Variants in GHRH observed in about 807,000 individuals in gnomAD.
The protein encoded by GHRH is growth hormone releasing hormone.
Under a neutral mutation model 15.6 loss-of-function variants are expected in GHRH, and 7 were observed. That is an observed-to-expected ratio of 0.45 (90% CI 0.26 to 0.84). The LOEUF is 0.84. Among genes scored for constraint, GHRH ranks in the 40% least tolerant of loss-of-function variants. The pLI is 0.18. For missense variants in GHRH, 117 were observed against 138.0 expected, an observed-to-expected ratio of 0.85 and a Z score of 0.76; for synonymous variants, 54 against 50.4, an observed-to-expected ratio of 1.07 and a Z score of -0.30.
In GHRH at chr20:37,256,514, C is replaced by A; in HGVS notation, c.84-16G>T. The A allele has an allele frequency of 6.4e-7, 1 of 1,573,506 alleles. No individual in the cohort carries two copies. Among genetic ancestry groups the A allele is most frequent in the South Asian group, 1.1e-5 (1 of 89,422 alleles). On this transcript the variant is annotated splice_polypyrimidine_tract_variant and intron_variant, in intron 2 of 4. Coordinates refer to ENST00000373614, the MANE Select transcript of GHRH (RefSeq NM_021081.6). Reference sequence around the variant, plus strand: ...CCGCCGCATCCTGTGCGGAAGGAGTCAGGGGTCAGAGGGCGGGGTGGAGGC... The same window carrying A: ...CCGCCGCATCCTGTGCGGAAGGAGTAAGGGGTCAGAGGGCGGGGTGGAGGC...
intron 4 of GHRH, 51 bp downstream of exon 4, chr20:37,254,159 G>A (rs2068640539): frequency 6.2e-7 from 1 of 1,606,850 alleles, no homozygotes; most frequent in South Asian, 1.1e-5. Flanking sequence ...GCAAACCACG[G>A]GGTAGGAAGC....
At position 37,258,574 on chromosome 20, in the gene GHRH, G is replaced by A. The variant is rs1159934679; in HGVS notation, c.-19-1666C>T. Among the ~76,000 whole-genome samples, 1 of 152,174 alleles carries A rather than the reference G, an allele frequency of 6.6e-6. No individual in the cohort carries two copies. Among genetic ancestry groups the A allele is most frequent in the Non-Finnish European group, 1.5e-5 (1 of 68,030 alleles). ...AGACCCTGTACCTGCAGAGCTGGAGGGAGCAGCAGCCCAGGCCTCAGTGGT... is the reference window on the plus strand; with the variant it reads ...AGACCCTGTACCTGCAGAGCTGGAGAGAGCAGCAGCCCAGGCCTCAGTGGT... On this transcript the variant is annotated intron_variant, in intron 1 of 4. Transcript: ENST00000373614. This position sits in a 1 kb window ranked among gnomAD's most constrained non-coding sequence, Gnocchi z 4.1.
intron 1 of GHRH, among the ~76,000 whole-genome samples, chr20:37,260,410 A>C (rs979658065): frequency 2.5e-4 from 37 of 150,784 alleles, no homozygotes; most frequent in Admixed American, 1.3e-3. Context: ...AAAAAAAAAA[A>C]CACACAAAAC....
chr20:37,260,153 G>C (rs1173155649), intron 1 of GHRH, among the ~76,000 whole-genome samples: 1 of 152,096 alleles, frequency 6.6e-6, no homozygotes, highest in South Asian at 2.1e-4. Flanking sequence ...TCAAGATAAG[G>C]CTCAGCAACT....
At chr20:37,259,093 CT>C (rs1221992088) in intron 1 of GHRH, among the ~76,000 whole-genome samples, 1 of 152,132 alleles carries the variant, frequency 6.6e-6, no homozygotes, top group African/African-American at 2.4e-5. Flanking sequence ...CCCAAATCTC[CT>C]TCTCCTGCAA....
intron 4 of GHRH, among the ~76,000 whole-genome samples, chr20:37,253,318 C>T (rs138108068): frequency 6.6e-6 from 1 of 152,336 alleles, no homozygotes; most frequent in East Asian, 1.9e-4. Flanking sequence ...GCACACTCAT[C>T]TACCACAGGG....
chr20:37,256,197 T>C (rs74833886), intron 3 of GHRH, among the ~76,000 whole-genome samples, 197 bp downstream of exon 3: 4,261 of 152,296 alleles, frequency 0.028, 82 homozygotes, highest in Middle Eastern at 0.058. Flanking sequence ...TGTCGGAGCC[T>C]AGCCTGAAGA....
chr20:37,253,221 C>T (rs756063705), intron 4 of GHRH, among the ~76,000 whole-genome samples: 36 of 152,180 alleles, frequency 2.4e-4, no homozygotes, highest in Non-Finnish European at 4.8e-4. Flanking sequence ...ACTTTTCCTC[C>T]TCTGTAGACT....
At chr20:37,256,062 G>T (rs865856567) in intron 3 of GHRH, among the ~76,000 whole-genome samples, 1 of 152,164 alleles carries the variant, frequency 6.6e-6, no homozygotes, top group Admixed American at 6.6e-5. Context: ...AATAATAGTA[G>T]CTGACACTAC....
At chr20:37,251,839 A>G (rs564347999) in intron 4 of GHRH, among the ~76,000 whole-genome samples, 40 of 152,192 alleles carry the variant, frequency 2.6e-4, no homozygotes, top group Non-Finnish European at 4.8e-4. Flanking sequence ...CTAAAGCAGG[A>G]ACTTATTCCT....
rs1569012659 is a variant in GHRH, at chr20:37,256,863, C to G, written c.27G>C (p.Val9=). 3 of 1,612,678 alleles carry G rather than the reference C, an allele frequency of 1.9e-6. No individual in the cohort carries two copies. The highest frequency in any genetic ancestry group is 2.5e-6 in the Non-Finnish European group (3 of 1,179,580). The change falls in exon 2 of 5, where the codon GTG becomes GTC. Residue 9 remains valine (V), a synonymous_variant. Transcript: ENST00000373614. The stretch of plus-strand genomic sequence containing the variant: ...GGGAGCTGTTGCTGAGGGTGAGGAT[C>G]ACAAAGAAGAACACCCAGAGTGGCA... MPLWVFFF[V]ILTLSNSSHC...
At position 37,254,275 on chromosome 20, in the gene GHRH, G is replaced by T; in HGVS notation, c.243C>A (p.Ser81Arg). 6.2e-7 allele frequency: 1 copy of T among 1,613,970 alleles called. No individual in the cohort carries two copies. Among genetic ancestry groups the T allele is most frequent in the Non-Finnish European group, 8.5e-7 (1 of 1,179,856 alleles). The change falls in exon 4 of 5, where the codon AGC becomes AGA. Residue 81 changes from serine (S) to arginine (R), a missense_variant. Coordinates refer to ENST00000373614, the MANE Select transcript of GHRH (RefSeq NM_021081.6). ...ARARLGRQVD[S>R]MWAEQKQMEL... ...CCATTTGCTTTTGTTCTGCCCACAT[G>T]CTGTCTACCTGACGACCAAGCCGTG... is the stretch of plus-strand genomic sequence containing the variant.
Position 37,254,198 on chromosome 20 carries a change from A to C in GHRH, c.308+12T>G. On this transcript the variant is annotated intron_variant, in intron 4 of 4. Coordinates refer to ENST00000373614, the MANE Select transcript of GHRH (RefSeq NM_021081.6). Reference sequence around the variant, plus strand: ...GAAGTCCCTAGATGCACCCATGCACACACACCCATACCTGTGCTTCTGCAG... The same window carrying C: ...GAAGTCCCTAGATGCACCCATGCACCCACACCCATACCTGTGCTTCTGCAG... The C allele has an allele frequency of 1.2e-6, 2 of 1,614,104 alleles. No individual in the cohort carries two copies. The highest frequency in any genetic ancestry group is 1.7e-6 in the Non-Finnish European group (2 of 1,179,984).
At position 37,258,352 on chromosome 20, in the gene GHRH, A is replaced by C. The variant is rs2068668706; in HGVS notation, c.-19-1444T>G. Among the ~76,000 whole-genome samples the C allele has an allele frequency of 6.6e-6, 1 of 152,050 alleles. No homozygotes were observed. The highest frequency in any genetic ancestry group is 6.6e-5 in the Admixed American group (1 of 15,264). ...CCCCCGCCTTTCCCACAATCTCCTC[A>C]CATGGCTTCCTTCTCTCCCACTCCT... On this transcript the variant is annotated intron_variant, in intron 1 of 4. Coordinates refer to ENST00000373614, the MANE Select transcript of GHRH (RefSeq NM_021081.6). The surrounding 1 kb of genome is among the most constrained non-coding windows in gnomAD (Gnocchi z 4.1).
intron 4 of GHRH, among the ~76,000 whole-genome samples, chr20:37,251,987 G>C (rs1285187899): frequency 6.6e-6 from 1 of 152,144 alleles, no homozygotes; most frequent in Non-Finnish European, 1.5e-5. Context: ...CTTTTAACTC[G>C]CGGGAACAAA....
At chr20:37,256,353 G>T in intron 3 of GHRH, 41 bp downstream of exon 3, 1 of 1,301,924 alleles carries the variant, frequency 7.7e-7, no homozygotes, top group Non-Finnish European at 1.1e-6. Flanking sequence ...TGCAGACTCT[G>T]CTGCAGGGTG....
At chr20:37,259,848 C>T (rs1381780726) in intron 1 of GHRH, among the ~76,000 whole-genome samples, 1 of 152,210 alleles carries the variant, frequency 6.6e-6, no homozygotes, top group Non-Finnish European at 1.5e-5. Flanking sequence ...CGGCAGACTT[C>T]CTTCCGCTCC....
chr20:37,255,562 G>A (rs1161918103), intron 3 of GHRH, among the ~76,000 whole-genome samples: 2 of 151,338 alleles, frequency 1.3e-5, no homozygotes, highest in East Asian at 1.9e-4. Context: ...TCGGGAGGCT[G>A]GGGCAGGAGA....
intron 4 of GHRH, among the ~76,000 whole-genome samples, chr20:37,253,332 G>A (rs943295378): frequency 6.6e-6 from 1 of 152,208 alleles, no homozygotes; most frequent in African/African-American, 2.4e-5. Flanking sequence ...CACAGGGTGT[G>A]GGAGGGCTGG....
Sources: gnomAD v4.1 joint callset for allele counts (sites outside exome capture counted in the v4.1 genomes callset) on GRCh38, gnomAD v4.1.1 for gene constraint, Gnocchi (gnomAD v3.1) non-coding constraint, MANE v1.5 for transcripts, NCBI Gene and HGNC (gene_info 2026-07-23, HGNC 2026-07-21) for gene names.